CCDC141: variants seen among roughly 807,000 people sequenced by gnomAD.
The protein encoded by CCDC141 is coiled-coil domain containing 141.
Under a neutral mutation model 181.0 loss-of-function variants are expected in CCDC141, and 168 were observed. The ratio of observed to expected loss-of-function variants is 0.93; its 90% CI spans 0.82 to 1.05. The LOEUF is 1.05. Among genes scored for constraint, CCDC141 ranks in the 50% least tolerant of loss-of-function variants. The pLI, the probability that CCDC141 is intolerant of heterozygous loss-of-function variation, is 0.00. For synonymous variants in CCDC141, 666 were observed against 642.3 expected (o/e 1.04, Z -0.56); for missense variants, 1,902 against 1,788.5 (o/e 1.06, Z -1.14).
intron 2 of CCDC141, among the ~76,000 whole-genome samples, chr2:179,041,083 G>A (rs1027354453): frequency 1.3e-5 from 2 of 151,934 alleles, no homozygotes; most frequent in Non-Finnish European, 2.9e-5. Flanking sequence ...TTGTTTGTTT[G>A]TTTGTTGAGA....
chr2:178,909,431 C>T (rs191106659), intron 7 of CCDC141, among the ~76,000 whole-genome samples: 10 of 152,276 alleles, frequency 6.6e-5, no homozygotes, highest in Admixed American at 1.3e-4. Context: ...CCTATTGGTA[C>T]GATGGGCTGG....
At chr2:178,821,902 A>G in the CCDC141 span, among the ~76,000 whole-genome samples, 24 of 152,192 alleles carry the variant, frequency 1.6e-4, no homozygotes, top group African/African-American at 4.8e-4. Flanking sequence ...CCATCCCATT[A>G]CTGGGTATAT....
chr2:178,977,803 C>G (rs578057164), intron 3 of CCDC141, among the ~76,000 whole-genome samples: 19 of 152,268 alleles, frequency 1.2e-4, no homozygotes, highest in African/African-American at 3.6e-4. Context: ...TTTCCAATAA[C>G]TGTCTTATAC....
chr2:178,878,171 C>T (rs1686432076), intron 11 of CCDC141, 28 bp from the exon 12 acceptor site: 4 of 1,466,938 alleles, frequency 2.7e-6, no homozygotes, highest in Non-Finnish European at 3.7e-6. Flanking sequence ...GAGTTAAGAA[C>T]ACTTAAACAC....
chr2:178,984,073 G>A (rs1267963650), intron 2 of CCDC141, among the ~76,000 whole-genome samples: 4 of 152,098 alleles, frequency 2.6e-5, no homozygotes, highest in East Asian at 1.9e-4. Flanking sequence ...GAGAAAGGTC[G>A]GGTTACCCTC....
Position 178,918,722 on chromosome 2 carries a change from AC to A in CCDC141, c.1082del (p.Ser361MetfsTer24). On this transcript the variant is annotated frameshift_variant, in exon 7 of 24. Coordinates refer to ENST00000443758, the MANE Select transcript of CCDC141 (RefSeq NM_173648.4). LOFTEE classifies it high-confidence loss of function. ...TTGACCTCACACTGACCTTGTTAGCACTGTTAAAAAATTCATTCGCCTTCTT... is the reference window on the plus strand; with the variant it reads ...TTGACCTCACACTGACCTTGTTAGCATGTTAAAAAATTCATTCGCCTTCTT... ...WLKKANEFFN[S>X]ANKAFDVLGR... is the part of the protein sequence containing the mutation. 6.4e-7 allele frequency: 1 copy of A among 1,550,424 alleles called. No homozygotes were observed.
chr2:178,878,279 A>ATTTG, intron 11 of CCDC141, 136 bp from the exon 12 acceptor site: 1 of 199,538 alleles, frequency 5.0e-6, no homozygotes, highest in Non-Finnish European at 8.0e-6. Flanking sequence ...ATATTTATTT[A>ATTTG]TTTATTTATT....
chr2:178,865,161 G>A (rs941492343), intron 17 of CCDC141, among the ~76,000 whole-genome samples: 2 of 152,184 alleles, frequency 1.3e-5, no homozygotes, highest in Non-Finnish European at 2.9e-5. Context: ...GGATGTAGAA[G>A]ATCACTTTGA....
At chr2:179,037,100 A>G (rs1387731367) in intron 2 of CCDC141, among the ~76,000 whole-genome samples, 1 of 152,144 alleles carries the variant, frequency 6.6e-6, no homozygotes. Flanking sequence ...GTGTCTGCCA[A>G]GTGGGGACAT....
intron 4 of CCDC141, among the ~76,000 whole-genome samples, chr2:178,969,459 G>C (rs1376833645): frequency 1.4e-4 from 21 of 151,926 alleles, no homozygotes; most frequent in African/African-American, 4.8e-5. Flanking sequence ...GGGATGCAAG[G>C]CTGGTTCAAC....
chr2:178,901,981 A>T (rs1199236246), intron 8 of CCDC141, among the ~76,000 whole-genome samples: 1 of 152,182 alleles, frequency 6.6e-6, no homozygotes, highest in Non-Finnish European at 1.5e-5. Flanking sequence ...AGAGAGCCAA[A>T]TCATGAGTGA....
In CCDC141 at chr2:178,872,025, T is replaced by C. The variant is rs1686139731; in HGVS notation, c.2079+108A>G. On this transcript the variant is annotated intron_variant, in intron 13 of 23. Coordinates refer to ENST00000443758, the MANE Select transcript of CCDC141 (RefSeq NM_173648.4). ...TATAAGTGGAATCACACGATATTTA[T>C]CCTTTTGTGTTTGGCTTATTTCACT... 3.7e-6 allele frequency: 4 copies of C among 1,080,910 alleles called. No homozygotes were observed. In the South Asian group the frequency reaches 4.9e-5, roughly 13 times the overall value. 67.0% of individuals were successfully genotyped at this position (1,080,910 alleles called of 1,614,324 possible). A position where few individuals can be genotyped will look rare whatever the true frequency, so the allele number is the denominator to read the frequency against.
chr2:178,916,965 T>C (rs1688482325), intron 7 of CCDC141, among the ~76,000 whole-genome samples: 1 of 152,036 alleles, frequency 6.6e-6, no homozygotes, highest in Non-Finnish European at 1.5e-5. Context: ...AAAAGGCTTT[T>C]GCAGGAGATA....
chr2:179,027,646 CAAAAAAAAAAAAAAAAAAAAAAA>C (rs71023466), intron 2 of CCDC141, among the ~76,000 whole-genome samples: 2 of 53,274 alleles, frequency 3.8e-5, no homozygotes, highest in African/African-American at 1.4e-4. Flanking sequence ...CTCTTACTCT[CAAAAAAAAAAAAAAAAAAAAAAA>C]AAAAAAAAAA....
downstream of CCDC141, among the ~76,000 whole-genome samples, chr2:178,826,802 G>C (rs1483624327): frequency 6.6e-6 from 1 of 151,952 alleles, no homozygotes; most frequent in Non-Finnish European, 1.5e-5. Context: ...GATCTGCTCA[G>C]AGAACAAGCT....
rs2043631698 is a variant in CCDC141, at chr2:179,050,129, G to A, written c.-188C>T. 4 of 813,722 alleles carry A rather than the reference G, an allele frequency of 4.9e-6. No homozygotes were observed. The highest frequency in any genetic ancestry group is 5.4e-6 in the Non-Finnish European group (3 of 555,954). 50.4% of individuals were successfully genotyped at this position (813,722 alleles called of 1,614,324 possible). A position where few individuals can be genotyped will look rare whatever the true frequency, so the allele number is the denominator to read the frequency against. ...ACCCCATTGAGTTTATCGTGAGAGAGAAAGGAGCGAACGAGAGAGAATTGC... is the reference window on the plus strand; with the variant it reads ...ACCCCATTGAGTTTATCGTGAGAGAAAAAGGAGCGAACGAGAGAGAATTGC... On this transcript the variant is annotated 5_prime_UTR_variant, in exon 1 of 24. Transcript: ENST00000443758.
At chr2:179,023,478 A>G (rs1269756923) in intron 2 of CCDC141, among the ~76,000 whole-genome samples, 1 of 152,220 alleles carries the variant, frequency 6.6e-6, no homozygotes, top group Non-Finnish European at 1.5e-5. Context: ...AAACAGATTA[A>G]TACATTTAAA....
In CCDC141 at chr2:178,978,665, T is replaced by C; in HGVS notation, c.236A>G (p.Asp79Gly). The C allele has an allele frequency of 6.5e-7, 1 of 1,539,590 alleles. No homozygotes were observed. Among genetic ancestry groups the C allele is most frequent in the South Asian group, 1.2e-5 (1 of 82,310 alleles). The change falls in exon 3 of 24, where the codon GAT (aspartate) becomes GGT (glycine). Residue 79 changes from aspartate (D) to glycine (G), a missense_variant. Transcript: ENST00000443758. ...TTCCTGCAAGAGTTCCCATACCCGA[T>C]CTTCCAAAGCCTAAGTACAAAAGAA... is the stretch of plus-strand genomic sequence containing the variant. Reference protein sequence around the residue: ...LLLAKLKALEDRVWELLQEAD... With the variant: ...LLLAKLKALEGRVWELLQEAD...
At chr2:178,995,765 A>C (rs1439956669) in intron 2 of CCDC141, among the ~76,000 whole-genome samples, 1 of 152,190 alleles carries the variant, frequency 6.6e-6, no homozygotes, top group Admixed American at 6.5e-5. Context: ...CTGAGTGTCT[A>C]AATTAGCAGG....
Sources: gnomAD v4.1 joint callset for allele counts (sites outside exome capture counted in the v4.1 genomes callset) on GRCh38, gnomAD v4.1.1 for gene constraint, MANE v1.5 for transcripts, NCBI Gene and HGNC (gene_info 2026-07-23, HGNC 2026-07-21) for gene names.